Variants in RFX7 observed in about 807,000 individuals in gnomAD.
RFX7 encodes regulatory factor X7.
Under a neutral mutation model 111.8 loss-of-function variants are expected in RFX7, and 26 were observed. The ratio of observed to expected loss-of-function variants is 0.23; its 90% CI spans 0.17 to 0.32. RFX7 has a LOEUF of 0.32. RFX7 is among the 10% of genes least tolerant of loss of function. The pLI, the probability that RFX7 is intolerant of heterozygous loss-of-function variation, is 1.00. For missense variants in RFX7, 1,573 were observed against 1,772.9 expected (o/e 0.89, Z 2.02); for synonymous variants, 624 against 624.4 (o/e 1.00, Z 0.01).
In RFX7 at chr15:56,095,927, T is replaced by C; in HGVS notation, c.1801A>G (p.Lys601Glu). The C allele has an allele frequency of 6.2e-7, 1 of 1,606,268 alleles. No individual in the cohort carries two copies. Among genetic ancestry groups the C allele is most frequent in the Non-Finnish European group, 8.5e-7 (1 of 1,179,784 alleles). Reference protein sequence around the residue: ...KATKVCDQRTKCKSRCNEMLP... With the variant: ...KATKVCDQRTECKSRCNEMLP... Reference sequence around the variant, plus strand: ...ATTTCATTACAGCGACTTTTACATTTGGTCCTCTGGTCACAGACCTTAGTT... The same window carrying C: ...ATTTCATTACAGCGACTTTTACATTCGGTCCTCTGGTCACAGACCTTAGTT... The change falls in exon 10 of 10, where the codon AAA becomes GAA. Residue 601 changes from lysine to glutamate, a missense_variant. By Grantham distance (56) the Lys-to-Glu change is moderately conservative (BLOSUM62 1). This residue lies in a region of RFX7 where 625 missense variants were observed against 632.2 expected (regional missense o/e 0.99). Transcript: ENST00000559447.
chr15:56,110,521 T>C (rs1382718523), intron 5 of RFX7, among the ~76,000 whole-genome samples: 39 of 38,292 alleles, frequency 1.0e-3, no homozygotes, highest in African/African-American at 1.8e-3. Context: ...CCCGGCCAGC[T>C]GCCCCGTCCG....
At chr15:56,129,660 C>T (rs1307301412) in intron 5 of RFX7, among the ~76,000 whole-genome samples, 3 of 152,066 alleles carry the variant, frequency 2.0e-5, no homozygotes, top group Admixed American at 2.0e-4. Context: ...AAAGCAGTCG[C>T]CCAGGGTAGG....
chr15:56,198,292 A>T (rs2043164012), intron 2 of RFX7, among the ~76,000 whole-genome samples: 1 of 152,062 alleles, frequency 6.6e-6, no homozygotes, highest in South Asian at 2.1e-4. Flanking sequence ...AAAAAGAAAA[A>T]AAAGAATGGG....
chr15:56,241,825 C>G (rs1351291038), intron 2 of RFX7, among the ~76,000 whole-genome samples: 2 of 152,152 alleles, frequency 1.3e-5, no homozygotes, highest in African/African-American at 4.8e-5. Flanking sequence ...AATATTTAAA[C>G]TTCATTTTAA....
Position 56,095,861 on chromosome 15 carries a change from T to G in RFX7, c.1867A>C (p.Thr623Pro), listed in dbSNP as rs760100314. ...TSTGNNQSTI[T>P]LSVASQNLTF... is the part of the protein sequence containing the mutation. ...AAGTTCTGAGAAGCAACTGATAGAG[T>G]GATAGTGCTTTGATTATTGCCTGTT... is the stretch of plus-strand genomic sequence containing the variant. Residue 623 changes from threonine to proline, a missense_variant, in exon 10 of 10, where the codon ACT becomes CCT. Physicochemically the swap from Thr to Pro is conservative, Grantham distance 38. Coordinates refer to ENST00000559447, the MANE Select transcript of RFX7 (RefSeq NM_022841.7). 7.5e-6 allele frequency: 12 copies of G among 1,606,592 alleles called. No homozygotes were observed. In the East Asian group the frequency reaches 2.7e-4, roughly 36 times the overall value.
intron 2 of RFX7, among the ~76,000 whole-genome samples, chr15:56,190,689 TA>T (rs2043091316): frequency 6.6e-6 from 1 of 152,152 alleles, no homozygotes; most frequent in East Asian, 1.9e-4. Flanking sequence ...ACTACAGACC[TA>T]CTGAATCAGA....
intron 2 of RFX7, among the ~76,000 whole-genome samples, chr15:56,233,445 G>A (rs1411472166): frequency 6.6e-6 from 1 of 152,130 alleles, no homozygotes; most frequent in Non-Finnish European, 1.5e-5. Context: ...AATTCAAGAT[G>A]AGATCTGGGT....
chr15:56,163,109 T>C (rs2042743492), intron 3 of RFX7, among the ~76,000 whole-genome samples: 2 of 152,098 alleles, frequency 1.3e-5, no homozygotes, highest in South Asian at 4.2e-4. Flanking sequence ...TGTCGGTGAG[T>C]TGACCTTGGT....
chr15:56,166,627 G>A (rs2042785678), intron 3 of RFX7, among the ~76,000 whole-genome samples: 1 of 152,194 alleles, frequency 6.6e-6, no homozygotes, highest in Admixed American at 6.5e-5. Context: ...GAGGAAAAGG[G>A]TGAAGAGGAA....
In RFX7 at chr15:56,130,088, A is replaced by C. The variant is rs918724293; in HGVS notation, c.401+12690T>G. 3.3e-5 allele frequency among the ~76,000 whole-genome samples: 5 copies of C among 152,348 alleles called. No individual in the cohort carries two copies. In the South Asian group the frequency reaches 8.3e-4, roughly 25 times the overall value. On this transcript the variant is annotated intron_variant, in intron 5 of 9. Transcript: ENST00000559447. ...TAACATTTGTAAAGCAAAACTCATAAAAAATACAGTAAGGAACTGTGATAA... is the reference window on the plus strand; with the variant it reads ...TAACATTTGTAAAGCAAAACTCATACAAAATACAGTAAGGAACTGTGATAA...
At chr15:56,146,727 A>C (rs2042478420) in intron 3 of RFX7, among the ~76,000 whole-genome samples, 1 of 152,222 alleles carries the variant, frequency 6.6e-6, no homozygotes, top group Non-Finnish European at 1.5e-5. Context: ...TCAGTGTCCT[A>C]ATTTTTTTTA....
intron 5 of RFX7, among the ~76,000 whole-genome samples, chr15:56,111,535 A>G (rs1236444295): frequency 6.6e-6 from 1 of 151,472 alleles, no homozygotes; most frequent in Non-Finnish European, 1.5e-5. Flanking sequence ...TCCTCTGCCT[A>G]GGAAAACCAG....
intron 3 of RFX7, among the ~76,000 whole-genome samples, chr15:56,157,859 G>A (rs1211929228): frequency 7.9e-5 from 12 of 152,210 alleles, no homozygotes; most frequent in Admixed American, 2.6e-4. Flanking sequence ...GATTACAGGC[G>A]TGAGCCACTG....
intron 7 of RFX7, among the ~76,000 whole-genome samples, chr15:56,101,902 T>G (rs779828421): frequency 6.6e-6 from 1 of 152,244 alleles, no homozygotes; most frequent in African/African-American, 2.4e-5. Context: ...GATGACTGAC[T>G]TTTTCCTCTT....
intron 9 of RFX7, among the ~76,000 whole-genome samples, chr15:56,097,761 A>AAAAAAAAAAAC (rs2041700640): frequency 6.7e-6 from 1 of 150,336 alleles, no homozygotes; most frequent in Non-Finnish European, 1.5e-5. Flanking sequence ...AAAAAAAAAA[A>AAAAAAAAAAAC]AAAAAAAAAA....
chr15:56,130,043 T>G (rs1208026307), intron 5 of RFX7, among the ~76,000 whole-genome samples: 3 of 152,194 alleles, frequency 2.0e-5, no homozygotes, highest in African/African-American at 7.2e-5. Flanking sequence ...TACAAAATCA[T>G]GAAACTTTTG....
At chr15:56,237,675 G>C (rs2043639617) in intron 2 of RFX7, among the ~76,000 whole-genome samples, 1 of 152,158 alleles carries the variant, frequency 6.6e-6, no homozygotes, top group Non-Finnish European at 1.5e-5. Flanking sequence ...TTTCAATGGA[G>C]AGAGCAAATT....
chr15:56,159,892 C>T (rs2042701069), intron 3 of RFX7, among the ~76,000 whole-genome samples: 1 of 152,062 alleles, frequency 6.6e-6, no homozygotes, highest in Non-Finnish European at 1.5e-5. Flanking sequence ...TAAAAGTAGC[C>T]TAAATGGAGA....
At chr15:56,191,061 A>T (rs1366601659) in intron 2 of RFX7, among the ~76,000 whole-genome samples, 2 of 152,220 alleles carry the variant, frequency 1.3e-5, no homozygotes, top group African/African-American at 2.4e-5. Flanking sequence ...ATAACCCAGG[A>T]AGCTGGACTT....
Sources: gnomAD v4.1 joint callset for allele counts (sites outside exome capture counted in the v4.1 genomes callset) on GRCh38, gnomAD v4.1.1 for gene constraint, gnomAD v4.1.1 regional missense constraint, MANE v1.5 for transcripts, NCBI Gene and HGNC (gene_info 2026-07-23, HGNC 2026-07-21) for gene names.